The following DEPDC5 variants were observed in gnomAD, a reference collection of about 807,000 sequenced individuals.
DEPDC5 encodes GATOR1 complex protein DEPDC5.
A neutral mutation model predicts 217.3 loss-of-function variants in DEPDC5; 73 were observed. That is an observed-to-expected ratio of 0.34 (90% CI 0.28 to 0.41). The LOEUF is 0.41. Ranked by LOEUF, DEPDC5 falls within the 10% of genes least tolerant of loss-of-function variation. The pLI is 1.00. For synonymous variants in DEPDC5, 733 were observed against 756.7 expected (o/e 0.97, Z 0.51); for missense variants, 1,675 against 2,070.1 (o/e 0.81, Z 3.70).
At chr22:31,893,477 T>C in intron 38 of DEPDC5, 105 bp from the exon 39 acceptor site, 1 of 1,166,282 alleles carries the variant, frequency 8.6e-7, no homozygotes, top group East Asian at 3.0e-5. Flanking sequence ...CAGTTTTCTT[T>C]TAGGCACTTG....
chr22:31,876,282 A>G lies in DEPDC5; in HGVS notation c.3805+17A>G, dbSNP rs753514567. On this transcript the variant is annotated intron_variant, in intron 37 of 42. Transcript: ENST00000651528. ...CCGACCGAGGTTAGAGCCGAGGCGAATGCGGTTGCCCACAGGGGCAAGTGT... is the reference window on the plus strand; with the variant it reads ...CCGACCGAGGTTAGAGCCGAGGCGAGTGCGGTTGCCCACAGGGGCAAGTGT... 2 of 1,608,436 alleles carry G rather than the reference A, an allele frequency of 1.2e-6. No individual in the cohort carries two copies. The highest frequency in any genetic ancestry group is 3.3e-5 in the Admixed American group (2 of 59,794).
At chr22:31,902,524 A>G (rs1437091712) in intron 41 of DEPDC5, among the ~76,000 whole-genome samples, 2 of 150,998 alleles carry the variant, frequency 1.3e-5, no homozygotes, top group East Asian at 1.9e-4. Flanking sequence ...TCTAAGGTCT[A>G]CCCCTTCACA....
chr22:31,792,662 A>T (rs1239945807), intron 11 of DEPDC5, 83 bp from the exon 12 acceptor site: 3 of 993,972 alleles, frequency 3.0e-6, no homozygotes, highest in Admixed American at 2.9e-5. Flanking sequence ...TTGTGATGCA[A>T]ATCTTTAACC....
chr22:31,796,530 G>A (rs1262682475), intron 12 of DEPDC5, among the ~76,000 whole-genome samples: 2 of 152,140 alleles, frequency 1.3e-5, no homozygotes, highest in African/African-American at 4.8e-5. Context: ...AGGTTTTTAA[G>A]CATATCCTTA....
intron 40 of DEPDC5, among the ~76,000 whole-genome samples, chr22:31,898,245 A>G (rs1341158378): frequency 2.0e-5 from 3 of 152,044 alleles, no homozygotes; most frequent in Admixed American, 6.6e-5. Context: ...AAGGTTTTCA[A>G]TCAGAAAGAG....
At chr22:31,790,129 C>T (rs2085451462) in intron 10 of DEPDC5, among the ~76,000 whole-genome samples, 1 of 152,168 alleles carries the variant, frequency 6.6e-6, no homozygotes, top group African/African-American at 2.4e-5. Flanking sequence ...AATTAATTGG[C>T]AGTCAGTGAA....
rs61603320 is a variant in DEPDC5 at position 31,792,605 on chromosome 22, CAAAAAAA to C, written c.695-119_695-113del. The C allele has an allele frequency of 7.0e-3, 1,079 of 153,956 alleles. 12 individuals carry two copies. In the African/African-American group the frequency reaches 0.071, roughly 10 times the overall value. The allele number at this position is 153,956 out of a possible 1,614,324, so 9.5% of individuals were successfully genotyped here. A position where few individuals can be genotyped will look rare whatever the true frequency, so the allele number is the denominator to read the frequency against. On this transcript the variant is annotated intron_variant, in intron 11 of 42. Transcript: ENST00000651528. The stretch of plus-strand genomic sequence containing the variant: ...TGGGTGACAGAGTGAGACCTTGTCT[CAAAAAAA>C]AAAAAAAAAAAAAAAAAAAAGACAG...
intron 6 of DEPDC5, 64 bp from the exon 7 acceptor site, chr22:31,768,750 C>G (rs1254530477): frequency 1.5e-5 from 20 of 1,361,828 alleles, no homozygotes; most frequent in East Asian, 2.4e-5. Context: ...TAATCAATCT[C>G]TCTCTCTTTC....
intron 4 of DEPDC5, 86 bp downstream of exon 4, chr22:31,760,788 A>G: frequency 9.1e-7 from 1 of 1,097,416 alleles, no homozygotes; most frequent in Non-Finnish European, 1.3e-6. Context: ...TCAAGGGATG[A>G]GGGCAAGTAA....
intron 21 of DEPDC5, among the ~76,000 whole-genome samples, chr22:31,817,875 G>A (rs948139486): frequency 2.6e-5 from 4 of 151,860 alleles, no homozygotes; most frequent in Non-Finnish European, 5.9e-5. Flanking sequence ...TTGTAAGTTA[G>A]AGCATCAATT....
intron 31 of DEPDC5, among the ~76,000 whole-genome samples, chr22:31,855,751 G>C (rs2092263867): frequency 1.3e-5 from 2 of 152,074 alleles, no homozygotes; most frequent in South Asian, 4.2e-4. Context: ...TATAATTTTG[G>C]TAAGGGATAT....
At chr22:31,867,999 A>T (rs1225061959) in intron 33 of DEPDC5, among the ~76,000 whole-genome samples, 1 of 152,154 alleles carries the variant, frequency 6.6e-6, no homozygotes, top group African/African-American at 2.4e-5. Context: ...AATTTACGGC[A>T]TGGTCTCATT....
chr22:31,811,846 A>G (rs2088384701), intron 20 of DEPDC5, among the ~76,000 whole-genome samples: 1 of 152,026 alleles, frequency 6.6e-6, no homozygotes. Flanking sequence ...GCACTCAGCC[A>G]TGTAGTAGTT....
At chr22:31,892,318 C>T (rs1187931666) in intron 38 of DEPDC5, among the ~76,000 whole-genome samples, 1 of 152,216 alleles carries the variant, frequency 6.6e-6, no homozygotes, top group Non-Finnish European at 1.5e-5. Context: ...ATCTGGCTCA[C>T]CATTTGTTCA....
In DEPDC5 at chr22:31,784,687, G is replaced by A. The variant is rs2084804680; in HGVS notation, c.563-127G>A. ...GGTCCCCTTTCTTATAGAAGAAGTTGCAAGCAGTTTACTTAGGGAATTGCT... is the reference window on the plus strand; with the variant it reads ...GGTCCCCTTTCTTATAGAAGAAGTTACAAGCAGTTTACTTAGGGAATTGCT... On this transcript the variant is annotated intron_variant, in intron 9 of 42. Transcript: ENST00000651528. 5.4e-6 allele frequency: 4 copies of A among 744,410 alleles called. No homozygotes were observed. The East Asian group carries it at 1.1e-4, about 20-fold the overall frequency. 46.1% of individuals were successfully genotyped at this position (744,410 alleles called of 1,614,324 possible). A position where few individuals can be genotyped will look rare whatever the true frequency, so the allele number is the denominator to read the frequency against.
intron 38 of DEPDC5, chr22:31,880,045 T>C: frequency 2.5e-6 from 1 of 403,630 alleles, no homozygotes; most frequent in Non-Finnish European, 4.7e-6. Flanking sequence ...CCGAGGGTTC[T>C]GTAGGATATA....
intron 36 of DEPDC5, 77 bp downstream of exon 36, chr22:31,874,482 C>G (rs765015271): frequency 2.6e-5 from 39 of 1,490,296 alleles, no homozygotes; most frequent in Non-Finnish European, 3.3e-5. Context: ...AAGCCATCAC[C>G]CTTTCCAGTA....
intron 7 of DEPDC5, chr22:31,769,140 G>T: frequency 4.9e-6 from 1 of 204,476 alleles, no homozygotes; most frequent in Non-Finnish European, 1.0e-5. Context: ...GGCGCCTGTA[G>T]TCGCAGCTAC....
intron 14 of DEPDC5, among the ~76,000 whole-genome samples, chr22:31,799,892 T>G (rs1246223242): frequency 7.3e-6 from 1 of 136,198 alleles, no homozygotes; most frequent in African/African-American, 2.8e-5. Context: ...TCAGTGCAAC[T>G]CCCAGGTTCA....
Sources: allele counts gnomAD v4.1 joint callset (sites outside exome capture counted in the v4.1 genomes callset), GRCh38; gene constraint gnomAD v4.1.1; transcripts MANE v1.5; gene names NCBI Gene and HGNC (gene_info 2026-07-23, HGNC 2026-07-21).